The following UPP2 variants were observed in gnomAD, a reference collection of about 807,000 sequenced individuals.
The protein encoded by UPP2 is uridine phosphorylase 2, also known as UPase 2.
A neutral mutation model predicts 26.7 loss-of-function variants in UPP2; 23 were observed. The ratio of observed to expected loss-of-function variants is 0.86; its 90% confidence interval spans 0.62 to 1.22. UPP2 has a LOEUF of 1.22. Ranked by LOEUF, UPP2 falls within the 50% of genes most tolerant of loss-of-function variation. The pLI, the probability that UPP2 is intolerant of heterozygous loss-of-function variation, is 0.00. For synonymous variants in UPP2, 127 were observed against 141.3 expected (o/e 0.90, Z 0.72); for missense variants, 387 against 396.7 (o/e 0.98, Z 0.21).
chr2:158,074,392 A>C (rs990300856), intron 3 of UPP2, among the ~76,000 whole-genome samples: 1 of 152,170 alleles, frequency 6.6e-6, no homozygotes, highest in Non-Finnish European at 1.5e-5. Flanking sequence ...TCAATAAGAC[A>C]TAAAGAGAAG....
intron 3 of UPP2, among the ~76,000 whole-genome samples, chr2:158,089,845 G>GT (rs35591991): frequency 6.6e-6 from 1 of 152,120 alleles, no homozygotes; most frequent in Non-Finnish European, 1.5e-5. Flanking sequence ...GGCACTCACA[G>GT]TTTTTTGGGT....
chr2:158,052,790 CCAGATAGTAAA>C (rs1682181192), intron 3 of UPP2, among the ~76,000 whole-genome samples: 1 of 152,036 alleles, frequency 6.6e-6, no homozygotes. Flanking sequence ...CTGTAAAGTC[CCAGATAGTAAA>C]CATTGGAGGT....
chr2:158,067,151 A>G (rs1374530458), intron 3 of UPP2, among the ~76,000 whole-genome samples: 1 of 152,012 alleles, frequency 6.6e-6, no homozygotes, highest in Admixed American at 6.6e-5. Context: ...ATGCCTTTTG[A>G]GCTGTGCAAC....
rs1409817309 is a variant in UPP2 at position 158,117,824 on chromosome 2, C to G, written c.340C>G (p.His114Asp). The change falls in exon 4 of 7, where the codon CAC becomes GAC. Residue 114 changes from histidine (H) to aspartate (D), a missense_variant and splice_region_variant. Physicochemically the swap from His to Asp is moderately conservative, Grantham distance 81. Coordinates refer to ENST00000005756, the MANE Select transcript of UPP2 (RefSeq NM_173355.4). ...GATGACTTTCTCTTTCTCTCAATAGCACGGCATGGGCATCCCCTCCATTTC... is the reference window on the plus strand; with the variant it reads ...GATGACTTTCTCTTTCTCTCAATAGGACGGCATGGGCATCCCCTCCATTTC... Reference protein sequence around the residue: ...YKTGPVLAISHGMGIPSISIM... With the variant: ...YKTGPVLAISDGMGIPSISIM... 1 of 1,605,576 alleles carries G rather than the reference C, an allele frequency of 6.2e-7. No homozygotes were observed.
chr2:158,040,676 C>T (rs2105163496), intron 3 of UPP2, among the ~76,000 whole-genome samples: 1 of 152,316 alleles, frequency 6.6e-6, no homozygotes, highest in South Asian at 2.1e-4. Context: ...TTACCCCTCC[C>T]TTCCTCTCAA....
At chr2:158,109,855 C>T (rs753808128) in intron 2 of UPP2, among the ~76,000 whole-genome samples, 13 of 152,064 alleles carry the variant, frequency 8.5e-5, no homozygotes, top group Non-Finnish European at 1.5e-4. Flanking sequence ...ATAAAATTCT[C>T]CACTCAAACA....
At chr2:158,002,404 T>C (rs916581128) in intron 2 of UPP2, among the ~76,000 whole-genome samples, 1 of 152,196 alleles carries the variant, frequency 6.6e-6, no homozygotes, top group African/African-American at 2.4e-5. Context: ...TAGAGGACAA[T>C]GCAGGCCTGG....
chr2:158,012,182 T>C (rs1683590578), intron 2 of UPP2, among the ~76,000 whole-genome samples: 1 of 151,758 alleles, frequency 6.6e-6, no homozygotes. Context: ...CTAATCACTC[T>C]GAGGAAAAGA....
chr2:158,024,986 G>C (rs745412799), intron 3 of UPP2, among the ~76,000 whole-genome samples: 15 of 152,110 alleles, frequency 9.9e-5, no homozygotes, highest in Admixed American at 6.5e-5. Context: ...TGAATCACCT[G>C]AGGTCAGGAG....
At chr2:158,098,593 A>G (rs1683024346), upstream of UPP2, among the ~76,000 whole-genome samples, 1 of 152,222 alleles carries the variant, frequency 6.6e-6, no homozygotes, top group African/African-American at 2.4e-5. Context: ...TAATACAAGG[A>G]AATGAGCACA....
At chr2:158,102,494 G>C (rs1683097748) in intron 1 of UPP2, among the ~76,000 whole-genome samples, 1 of 152,080 alleles carries the variant, frequency 6.6e-6, no homozygotes, top group South Asian at 2.1e-4. Context: ...TAATTAAAAG[G>C]GCCTCCCAGT....
Position 158,106,140 on chromosome 2 carries a change from T to C in UPP2, c.104T>C (p.Met35Thr). 1.2e-6 allele frequency: 2 copies of C among 1,605,330 alleles called. No individual in the cohort carries two copies. The highest frequency in any genetic ancestry group is 1.7e-6 in the Non-Finnish European group (2 of 1,176,960). ...GTTAAAAATCCTTACTTGGATTTGA[T>C]GGATGAAGACATTCTCTATCACTTG... ...VHVKNPYLDLMDEDILYHLDL... is the reference protein window; with the variant it reads ...VHVKNPYLDLTDEDILYHLDL... The change falls in exon 2 of 7, where the codon ATG becomes ACG. Residue 35 changes from methionine to threonine, a missense_variant. Transcript: ENST00000005756.
intron 3 of UPP2, among the ~76,000 whole-genome samples, chr2:158,053,764 T>C (rs1308064235): frequency 6.6e-6 from 1 of 152,204 alleles, no homozygotes; most frequent in African/African-American, 2.4e-5. Context: ...CACATTACCA[T>C]AGTTTACTCG....
intron 2 of UPP2, among the ~76,000 whole-genome samples, chr2:158,011,047 G>A (rs978479656): frequency 1.3e-5 from 2 of 152,078 alleles, no homozygotes; most frequent in Admixed American, 6.6e-5. Context: ...TTACAGGTGT[G>A]AGCCACAGTG....
At chr2:158,097,312 G>A (rs188345686), upstream of UPP2, among the ~76,000 whole-genome samples, 217 of 151,964 alleles carry the variant, frequency 1.4e-3, 1 homozygote, top group East Asian at 5.8e-4. Context: ...AAATGTTCAC[G>A]CAATTTGAAA....
intron 2 of UPP2, among the ~76,000 whole-genome samples, chr2:158,007,063 A>G (rs1475232064): frequency 6.6e-6 from 1 of 152,108 alleles, no homozygotes; most frequent in Non-Finnish European, 1.5e-5. Flanking sequence ...TCCTTCTCTG[A>G]GACTGGCATT....
At position 158,106,229 on chromosome 2, in the gene UPP2, C is replaced by G; in HGVS notation, c.180+13C>G. The G allele has an allele frequency of 1.9e-6, 3 of 1,592,200 alleles. No individual in the cohort carries two copies. In the South Asian group the frequency reaches 3.5e-5, roughly 18 times the overall value. ...TGGAGATGTAAAGGTAAAAACATTTCTAATTTCAGGAAAAATGATTGAGTT... is the reference window on the plus strand; with the variant it reads ...TGGAGATGTAAAGGTAAAAACATTTGTAATTTCAGGAAAAATGATTGAGTT... On this transcript the variant is annotated intron_variant, in intron 2 of 6. Coordinates refer to ENST00000005756, the MANE Select transcript of UPP2 (RefSeq NM_173355.4).
intron 6 of UPP2, among the ~76,000 whole-genome samples, chr2:158,125,275 TA>T (rs1185069560): frequency 2.6e-5 from 4 of 152,242 alleles, no homozygotes; most frequent in African/African-American, 9.6e-5. Flanking sequence ...GTCATATTTC[TA>T]AGAATGCATT....
At position 158,113,957 on chromosome 2, in the gene UPP2, C is replaced by T. The variant is rs35824279; in HGVS notation, c.181-1144C>T. On this transcript the variant is annotated intron_variant, in intron 2 of 6. Coordinates refer to ENST00000005756, the MANE Select transcript of UPP2 (RefSeq NM_173355.4). ...GTTACCATTTGCACATCACTGAGAA[C>T]GTGTCTGGACTTGTGCAATGTCCTT... Among the ~76,000 whole-genome samples, 141 of 152,340 alleles carry T rather than the reference C, an allele frequency of 9.3e-4. 3 individuals carry two copies. The South Asian group carries it at 0.023, about 25-fold the overall frequency.
Sources: allele counts gnomAD v4.1 joint callset (sites outside exome capture counted in the v4.1 genomes callset), GRCh38; gene constraint gnomAD v4.1.1; transcripts MANE v1.5; gene names NCBI Gene and HGNC (gene_info 2026-07-23, HGNC 2026-07-21).